Variants in KLRB1 observed in about 807,000 individuals in gnomAD.
KLRB1 encodes the protein killer cell lectin like receptor B1.
A neutral mutation model predicts 33.5 loss-of-function variants in KLRB1; 27 were observed. The ratio of observed to expected loss-of-function variants is 0.81; its 90% CI spans 0.59 to 1.11. The LOEUF is 1.11. Ranked by LOEUF, KLRB1 falls within the 50% of genes most tolerant of loss-of-function variation. The pLI, the probability that KLRB1 is intolerant of heterozygous loss-of-function variation, is 0.00. For missense variants in KLRB1, 241 were observed against 254.1 expected (o/e 0.95, Z 0.35); for synonymous variants, 64 against 88.9 (o/e 0.72, Z 1.58).
At chr12:9,607,335 CCTT>C (rs1864622205) in intron 1 of KLRB1, among the ~76,000 whole-genome samples, 1 of 65,170 alleles carries the variant, frequency 1.5e-5, no homozygotes, top group African/African-American at 4.2e-5. Flanking sequence ...CTCTTTCTTT[CCTT>C]TCTTTCTTTC....
chr12:9,601,625 A>G, intron 1 of KLRB1, 26 bp from the exon 2 acceptor site: 1 of 1,308,636 alleles, frequency 7.6e-7, no homozygotes, highest in Non-Finnish European at 1.1e-6. Flanking sequence ...GAAAAACACA[A>G]AAACAAACAA....
Position 9,598,575 on chromosome 12 carries a change from T to C in KLRB1, c.338A>G (p.Asn113Ser), listed in dbSNP as rs138352143. ...EKCLLFSHTVNPWNNSLADCS... is the reference protein window; with the variant it reads ...EKCLLFSHTVSPWNNSLADCS... The stretch of plus-strand genomic sequence containing the variant: ...ATCAGCTAGACTGTTATTCCAAGGG[T>C]TGACAGTGTGAGAAAATAACAAGCA... The change falls in exon 4 of 6, where the codon AAC becomes AGC. Residue 113 changes from asparagine (N) to serine (S), a missense_variant. By Grantham distance (46) the Asn-to-Ser change is conservative. Transcript: ENST00000229402. 4.3e-6 allele frequency: 7 copies of C among 1,613,094 alleles called. No individual in the cohort carries two copies. Among genetic ancestry groups the C allele is most frequent in the Non-Finnish European group, 5.9e-6 (7 of 1,179,182 alleles).
At chr12:9,595,446 C>T (rs1379424682) in intron 5 of KLRB1, 25 bp from the exon 6 acceptor site, 6 of 1,607,186 alleles carry the variant, frequency 3.7e-6, no homozygotes, top group Non-Finnish European at 5.1e-6. Context: ...AAAAGTCTGT[C>T]TTAGCATTTA....
intron 1 of KLRB1, among the ~76,000 whole-genome samples, chr12:9,602,838 G>A (rs1864559786): frequency 1.3e-5 from 2 of 151,960 alleles, no homozygotes; most frequent in Admixed American, 1.3e-4. Context: ...CTCTTTATAT[G>A]TTTCAGAACG....
chr12:9,607,382 T>TTCTTTCTTTCTCTCTC (rs1864629466), intron 1 of KLRB1, among the ~76,000 whole-genome samples: 1 of 94,154 alleles, frequency 1.1e-5, no homozygotes, highest in Admixed American at 1.1e-4. Flanking sequence ...CTTTCTTTCT[T>TTCTTTCTTTCTCTCTC]TCTTTCTTTC....
intron 1 of KLRB1, among the ~76,000 whole-genome samples, chr12:9,607,396 C>CTTTCTTTCTTTCTTTCT (rs1864630532): frequency 1.1e-5 from 1 of 93,844 alleles, no homozygotes; most frequent in African/African-American, 3.6e-5. Flanking sequence ...TTCTTTCTTT[C>CTTTCTTTCTTTCTTTCT]TTTCTTTCTT....
chr12:9,603,928 A>C (rs1029066540), intron 1 of KLRB1, among the ~76,000 whole-genome samples: 2 of 152,022 alleles, frequency 1.3e-5, no homozygotes, highest in African/African-American at 2.4e-5. Context: ...TTTGGAGAGG[A>C]TTATATGAAA....
rs1271744425 is a variant in KLRB1, at chr12:9,607,262, C to CTT, written c.85+491_85+492dup. The stretch of plus-strand genomic sequence containing the variant: ...TTCCTTCCTCCTTCTCTTTTTCTTT[C>CTT]TTTCCTTTCCTTTCTCTCTCTTTCT... On this transcript the variant is annotated intron_variant, in intron 1 of 5. Coordinates refer to ENST00000229402, the MANE Select transcript of KLRB1 (RefSeq NM_002258.3). Among the ~76,000 whole-genome samples the CTT allele has an allele frequency of 1.0e-3, 135 of 130,692 alleles. 4 individuals carry two copies. In the East Asian group the frequency reaches 0.024, roughly 23 times the overall value. The allele number at this position is 130,692 out of a possible 152,430, so 85.7% of individuals were successfully genotyped here.
chr12:9,601,350 C>A, intron 2 of KLRB1, 151 bp downstream of exon 2: 1 of 537,632 alleles, frequency 1.9e-6, no homozygotes, highest in East Asian at 3.3e-5. Flanking sequence ...TATACTTTGT[C>A]TCTGTGTCTT....
At chr12:9,604,740 C>T (rs1418922272) in intron 1 of KLRB1, among the ~76,000 whole-genome samples, 2 of 152,108 alleles carry the variant, frequency 1.3e-5, no homozygotes, top group Non-Finnish European at 2.9e-5. Context: ...AAGTTAAATC[C>T]TATATTCAAA....
At chr12:9,599,939 C>CTTGA (rs1864523414) in intron 2 of KLRB1, 98 bp from the exon 3 acceptor site, 3 of 686,704 alleles carry the variant, frequency 4.4e-6, no homozygotes, top group Non-Finnish European at 7.8e-6. Flanking sequence ...AATCTCAACA[C>CTTGA]GCTTGAATAT....
At chr12:9,597,550 AC>A (rs1182619215) in intron 5 of KLRB1, among the ~76,000 whole-genome samples, 1 of 152,096 alleles carries the variant, frequency 6.6e-6, no homozygotes, top group Non-Finnish European at 1.5e-5. Flanking sequence ...CGTCTCAAGT[AC>A]CTCTGTCTTT....
At chr12:9,595,519 A>G in intron 5 of KLRB1, 98 bp from the exon 6 acceptor site, 2 of 1,086,222 alleles carry the variant, frequency 1.8e-6, no homozygotes, top group East Asian at 2.4e-5. Context: ...AAGCAGTAGA[A>G]TGATAAACTA....
intron 3 of KLRB1, 26 bp from the exon 4 acceptor site, chr12:9,598,679 A>C: frequency 6.4e-7 from 1 of 1,564,374 alleles, no homozygotes; most frequent in Non-Finnish European, 8.8e-7. Context: ...GAAATAAGAA[A>C]TAAATGTTAT....
intron 4 of KLRB1, 100 bp downstream of exon 4, chr12:9,598,399 A>T: frequency 9.6e-7 from 1 of 1,040,504 alleles, no homozygotes; most frequent in South Asian, 1.6e-5. Flanking sequence ...AGTCAAAGTC[A>T]TCACTTCCAT....
chr12:9,595,431 A>G lies in KLRB1; in HGVS notation c.531-10T>C. The G allele has an allele frequency of 6.2e-7, 1 of 1,610,702 alleles. No homozygotes were observed. ...ACCTCTAATTTCTAAGCTGTGGAGC[A>G]AAAGAAAAGTCTGTCTTAGCATTTA... On this transcript the variant is annotated splice_polypyrimidine_tract_variant and intron_variant, in intron 5 of 5. Coordinates refer to ENST00000229402, the MANE Select transcript of KLRB1 (RefSeq NM_002258.3).
At chr12:9,605,926 C>G (rs1864594171) in intron 1 of KLRB1, among the ~76,000 whole-genome samples, 1 of 152,150 alleles carries the variant, frequency 6.6e-6, no homozygotes, top group Non-Finnish European at 1.5e-5. Flanking sequence ...AAGAGTCTCA[C>G]TACCTCTATA....
At chr12:9,605,095 T>C (rs1341881471) in intron 1 of KLRB1, among the ~76,000 whole-genome samples, 1 of 152,194 alleles carries the variant, frequency 6.6e-6, no homozygotes, top group Non-Finnish European at 1.5e-5. Context: ...GTGTTTGGCT[T>C]TCTGTCCTTG....
chr12:9,602,260 A>C (rs746182776), intron 1 of KLRB1, among the ~76,000 whole-genome samples: 1 of 152,220 alleles, frequency 6.6e-6, no homozygotes, highest in Admixed American at 6.5e-5. Context: ...CAAGTGTCAG[A>C]TATCTCTGCT....
Sources: allele counts gnomAD v4.1 joint callset (sites outside exome capture counted in the v4.1 genomes callset), GRCh38; gene constraint gnomAD v4.1.1; transcripts MANE v1.5; gene names NCBI Gene and HGNC (gene_info 2026-07-23, HGNC 2026-07-21).